CNTN3: variants seen among roughly 807,000 people sequenced by gnomAD.
CNTN3 encodes the protein contactin-3.
Under a neutral mutation model 119.1 loss-of-function variants are expected in CNTN3, and 60 were observed. The ratio of observed to expected loss-of-function variants is 0.50; its 90% CI spans 0.41 to 0.62. CNTN3 has a LOEUF of 0.62. Ranked by LOEUF, CNTN3 falls within the 20% of genes least tolerant of loss-of-function variation. The pLI is 0.00. For synonymous variants in CNTN3, 450 were observed against 438.7 expected (o/e 1.03, Z -0.32); for missense variants, 1,101 against 1,242.4 (o/e 0.89, Z 1.71).
intron 13 of CNTN3, among the ~76,000 whole-genome samples, chr3:74,303,261 T>C (rs1451343412): frequency 1.3e-5 from 2 of 152,154 alleles, no homozygotes; most frequent in African/African-American, 4.8e-5. Context: ...CGGATTACCA[T>C]GGTTGAAACA....
chr3:74,306,197 T>C (rs1326531133), intron 13 of CNTN3, among the ~76,000 whole-genome samples: 1 of 133,088 alleles, frequency 7.5e-6, no homozygotes, highest in Non-Finnish European at 1.5e-5. Flanking sequence ...TGATAAAGGA[T>C]GTGAGAGAGA....
chr3:74,336,411 C>T, intron 12 of CNTN3, 120 bp downstream of exon 12: 1 of 1,060,920 alleles, frequency 9.4e-7, no homozygotes, highest in Non-Finnish European at 1.4e-6. Flanking sequence ...AACATAAGTG[C>T]AAATACAGGT....
At chr3:74,295,373 A>T in intron 18 of CNTN3, 137 bp from the exon 19 acceptor site, 1 of 540,792 alleles carries the variant, frequency 1.8e-6, no homozygotes, top group Non-Finnish European at 3.3e-6. Flanking sequence ...ATATGTTGAA[A>T]ATAGAGACAC....
chr3:74,562,883 C>T (rs1329889216), intron 1 of CNTN3, among the ~76,000 whole-genome samples: 2 of 151,944 alleles, frequency 1.3e-5, no homozygotes, highest in Admixed American at 6.6e-5. Flanking sequence ...CAATTAAAAC[C>T]AGTCAAAATG....
rs542578137 is a variant in CNTN3, at chr3:74,449,941, T to C, written c.359-25001A>G. On this transcript the variant is annotated intron_variant, in intron 4 of 22. Coordinates refer to ENST00000263665, the MANE Select transcript of CNTN3 (RefSeq NM_020872.3). ...TTAATGATATATTTCTCAAAAAGCA[T>C]GTTAAAGTACATTTCTTATTTTTAT... Among the ~76,000 whole-genome samples the C allele has an allele frequency of 1.8e-4, 28 of 152,296 alleles. No homozygotes were observed. In the South Asian group the frequency reaches 3.9e-3, roughly 21 times the overall value.
At chr3:74,533,935 C>G (rs1182711194) in intron 1 of CNTN3, among the ~76,000 whole-genome samples, 1 of 152,002 alleles carries the variant, frequency 6.6e-6, no homozygotes, top group Admixed American at 6.6e-5. Context: ...CCACTAAATA[C>G]TCTGCCATAC....
chr3:74,284,009 C>T (rs1209217597), intron 20 of CNTN3, among the ~76,000 whole-genome samples: 1 of 152,084 alleles, frequency 6.6e-6, no homozygotes, highest in African/African-American at 2.4e-5. Context: ...CTCTGCAATG[C>T]TCATTGTACT....
At chr3:74,457,687 T>C (rs1430406578) in intron 4 of CNTN3, among the ~76,000 whole-genome samples, 1 of 151,942 alleles carries the variant, frequency 6.6e-6, no homozygotes, top group Admixed American at 6.6e-5. Flanking sequence ...AAATTCAGCA[T>C]CTATAAATGA....
intron 13 of CNTN3, among the ~76,000 whole-genome samples, chr3:74,310,922 G>C (rs936305360): frequency 1.3e-5 from 2 of 152,128 alleles, no homozygotes; most frequent in Admixed American, 6.6e-5. Context: ...GGACCAAAGA[G>C]AAAGGTTCCC....
At chr3:74,409,649 G>A (rs1701405867) in intron 5 of CNTN3, among the ~76,000 whole-genome samples, 1 of 151,944 alleles carries the variant, frequency 6.6e-6, no homozygotes, top group Non-Finnish European at 1.5e-5. Flanking sequence ...CTATTCTTTG[G>A]ACAGAACTGT....
rs79082929 is a variant in CNTN3, at chr3:74,444,735, C to T, written c.359-19795G>A. ...CCTACGAAAATCATTTTAATTGAGG[C>T]ATTTTCAGCAAAAACTTAAATTTTC... On this transcript the variant is annotated intron_variant, in intron 4 of 22. Transcript: ENST00000263665. 8.6e-3 allele frequency among the ~76,000 whole-genome samples: 1,308 copies of T among 152,200 alleles called. 13 individuals are homozygous for T. Among genetic ancestry groups the T allele is most frequent in the African/African-American group, 0.03 (1,244 of 41,536 alleles).
chr3:74,567,028 T>C (rs557844093), intron 1 of CNTN3, among the ~76,000 whole-genome samples: 2 of 152,224 alleles, frequency 1.3e-5, no homozygotes, highest in East Asian at 3.9e-4. Context: ...GTCAGCCTCT[T>C]GGGGCACAGA....
chr3:74,530,951 T>G (rs1261043271), intron 1 of CNTN3, among the ~76,000 whole-genome samples: 1 of 151,890 alleles, frequency 6.6e-6, no homozygotes, highest in Non-Finnish European at 1.5e-5. Context: ...AAGTCCAAAG[T>G]GACATGACGC....
At chr3:74,348,906 A>AC (rs2106742954) in intron 11 of CNTN3, among the ~76,000 whole-genome samples, 1 of 151,584 alleles carries the variant, frequency 6.6e-6, no homozygotes, top group Admixed American at 6.6e-5. Flanking sequence ...ACACACTGAG[A>AC]CCCCATCTCT....
intron 5 of CNTN3, among the ~76,000 whole-genome samples, chr3:74,389,280 C>T (rs925306933): frequency 1.3e-5 from 2 of 152,052 alleles, no homozygotes; most frequent in African/African-American, 4.8e-5. Context: ...ACACATTGCT[C>T]AATAGGTAAG....
intron 14 of CNTN3, 25 bp from the exon 15 acceptor site, chr3:74,301,830 T>C (rs754859884): frequency 1.9e-5 from 30 of 1,610,910 alleles, no homozygotes; most frequent in East Asian, 8.9e-5. Context: ...AATGGAAACA[T>C]TGAGTAGCAG....
At chr3:74,272,926 G>A (rs553845193) in intron 20 of CNTN3, among the ~76,000 whole-genome samples, 1 of 152,056 alleles carries the variant, frequency 6.6e-6, no homozygotes, top group East Asian at 1.9e-4. Context: ...GTTCTACATT[G>A]CTCAGATAAA....
At chr3:74,509,490 G>T (rs1376125753) in intron 2 of CNTN3, among the ~76,000 whole-genome samples, 1 of 152,082 alleles carries the variant, frequency 6.6e-6, no homozygotes, top group Non-Finnish European at 1.5e-5. Flanking sequence ...TAGAGACGGG[G>T]TTTCGCCATG....
intron 11 of CNTN3, among the ~76,000 whole-genome samples, chr3:74,339,915 ATAGATAG>A: frequency 6.6e-6 from 1 of 151,638 alleles, no homozygotes; most frequent in Non-Finnish European, 1.5e-5. Context: ...AGATAGATAG[ATAGATAG>A]ATAGATAGAT....
Sources: allele counts gnomAD v4.1 joint callset (sites outside exome capture counted in the v4.1 genomes callset), GRCh38; gene constraint gnomAD v4.1.1; transcripts MANE v1.5; gene names NCBI Gene and HGNC (gene_info 2026-07-23, HGNC 2026-07-21).